Variants in BRINP3 observed in about 807,000 individuals in gnomAD.
BRINP3 encodes the protein BMP/retinoic acid inducible neural specific 3, also known as BMP/retinoic acid-inducible neural-specific protein 3.
Under a neutral mutation model 71.0 loss-of-function variants are expected in BRINP3, and 19 were observed. That is an observed-to-expected ratio of 0.27 (90% CI 0.19 to 0.39). BRINP3 has a LOEUF of 0.39. BRINP3 is among the 10% of genes least tolerant of loss of function. The pLI is 1.00. For synonymous variants in BRINP3, 380 were observed against 337.7 expected, an observed-to-expected ratio of 1.13 and a Z score of -1.37; for missense variants, 959 against 940.8, an observed-to-expected ratio of 1.02 and a Z score of -0.25.
intron 4 of BRINP3, among the ~76,000 whole-genome samples, chr1:190,261,657 T>G (rs2102862144): frequency 6.6e-6 from 1 of 152,274 alleles, no homozygotes; most frequent in South Asian, 2.1e-4. Flanking sequence ...CAATTATCTG[T>G]CTCCTAAATT....
chr1:190,155,205 C>T (rs996480655), intron 7 of BRINP3, among the ~76,000 whole-genome samples: 1 of 152,022 alleles, frequency 6.6e-6, no homozygotes, highest in African/African-American at 2.4e-5. Context: ...GACTTCAACT[C>T]ATTTTTCTCT....
intron 2 of BRINP3, among the ~76,000 whole-genome samples, chr1:190,294,603 CA>C (rs1664113247): frequency 6.6e-6 from 1 of 152,098 alleles, no homozygotes; most frequent in Non-Finnish European, 1.5e-5. Flanking sequence ...CTCACCTCTC[CA>C]GGTCTGGTGA....
At chr1:190,133,317 ATTAAT>A (rs1360240358) in intron 7 of BRINP3, among the ~76,000 whole-genome samples, 1 of 152,152 alleles carries the variant, frequency 6.6e-6, no homozygotes, top group African/African-American at 2.4e-5. Flanking sequence ...GTTTTAAATG[ATTAAT>A]TTAACAAATA....
At chr1:190,315,114 T>C (rs1440032109) in intron 2 of BRINP3, among the ~76,000 whole-genome samples, 1 of 152,060 alleles carries the variant, frequency 6.6e-6, no homozygotes, top group Non-Finnish European at 1.5e-5. Flanking sequence ...GAGTTGCCTA[T>C]GAAGAAAGTT....
intron 5 of BRINP3, among the ~76,000 whole-genome samples, chr1:190,230,953 T>C (rs1657918349): frequency 6.6e-6 from 1 of 151,496 alleles, no homozygotes; most frequent in Non-Finnish European, 1.5e-5. Context: ...TATGTATACA[T>C]ATATTTACTG....
At chr1:190,343,040 C>T (rs775383863) in intron 2 of BRINP3, among the ~76,000 whole-genome samples, 1 of 151,556 alleles carries the variant, frequency 6.6e-6, no homozygotes, top group Non-Finnish European at 1.5e-5. Flanking sequence ...TGCGGCATAG[C>T]CATTAAATGT....
intron 2 of BRINP3, among the ~76,000 whole-genome samples, chr1:190,309,231 T>C (rs1412576418): frequency 6.6e-6 from 1 of 151,822 alleles, no homozygotes; most frequent in Non-Finnish European, 1.5e-5. Context: ...TCCACCTATA[T>C]GAGTTGTTTA....
chr1:190,384,275 T>TA (rs1461739420), intron 2 of BRINP3, among the ~76,000 whole-genome samples: 2 of 151,820 alleles, frequency 1.3e-5, no homozygotes, highest in African/African-American at 4.8e-5. Flanking sequence ...TTATTTTATG[T>TA]TTTATACAAA....
At chr1:190,399,992 C>T (rs923987949) in intron 2 of BRINP3, among the ~76,000 whole-genome samples, 7 of 152,014 alleles carry the variant, frequency 4.6e-5, no homozygotes, top group African/African-American at 1.7e-4. Context: ...TATTTTCATA[C>T]TTTTTCAAAA....
intron 2 of BRINP3, among the ~76,000 whole-genome samples, chr1:190,338,755 C>T (rs1667455927): frequency 6.6e-6 from 1 of 151,612 alleles, no homozygotes; most frequent in African/African-American, 2.4e-5. Flanking sequence ...GAAATAATGA[C>T]AGTTGATCAC....
At chr1:190,216,602 A>T (rs1656441293) in intron 6 of BRINP3, among the ~76,000 whole-genome samples, 1 of 151,886 alleles carries the variant, frequency 6.6e-6, no homozygotes, top group African/African-American at 2.4e-5. Flanking sequence ...GGACTTGCCC[A>T]TTACAGAACA....
chr1:190,264,472 G>C (rs1220715818), intron 4 of BRINP3, among the ~76,000 whole-genome samples: 2 of 152,088 alleles, frequency 1.3e-5, no homozygotes, highest in Non-Finnish European at 2.9e-5. Context: ...CTTTAAGCCT[G>C]ATAAAGCCTC....
At chr1:190,373,298 G>A (rs916622730) in intron 2 of BRINP3, among the ~76,000 whole-genome samples, 5 of 151,944 alleles carry the variant, frequency 3.3e-5, no homozygotes, top group African/African-American at 1.2e-4. Flanking sequence ...GCTTAGGCAG[G>A]AGAATCTCTT....
chr1:190,281,878 G>A, intron 2 of BRINP3, 128 bp from the exon 3 acceptor site: 3 of 734,088 alleles, frequency 4.1e-6, no homozygotes, highest in Non-Finnish European at 2.1e-6. Context: ...TGTGTGCTAT[G>A]AGTAGGAGAA....
chr1:190,221,581 A>C (rs1349559432), intron 6 of BRINP3, among the ~76,000 whole-genome samples: 3 of 152,138 alleles, frequency 2.0e-5, no homozygotes, highest in African/African-American at 7.2e-5. Flanking sequence ...AATAACACTG[A>C]ATGTAAATGA....
At chr1:190,248,937 G>A (rs527733500) in intron 4 of BRINP3, among the ~76,000 whole-genome samples, 54 of 151,818 alleles carry the variant, frequency 3.6e-4, no homozygotes, top group African/African-American at 1.3e-3. Context: ...TGAGACTATA[G>A]TTCTCAAATT....
chr1:190,139,485 A>G (rs1378348024), intron 7 of BRINP3, among the ~76,000 whole-genome samples: 1 of 151,344 alleles, frequency 6.6e-6, no homozygotes, highest in Non-Finnish European at 1.5e-5. Flanking sequence ...GAAAGAAAAG[A>G]AAAAAAATGA....
rs527713212 is a variant in BRINP3, at chr1:190,342,333, G to C, written c.237-60583C>G. On this transcript the variant is annotated intron_variant, in intron 2 of 7. Coordinates refer to ENST00000367462, the MANE Select transcript of BRINP3 (RefSeq NM_199051.3). ...GCATTAAAATGTTGACATTTGGGGG[G>C]CCACTATTCTGCTTACATATTCATG... 4 of 142,980 alleles carry C rather than the reference G, an allele frequency of 2.8e-5. No homozygotes were observed. The South Asian group carries it at 8.8e-4, about 31-fold the overall frequency. The allele number at this position is 142,980 out of a possible 1,614,324, so 8.9% of individuals were successfully genotyped here.
chr1:190,261,503 C>A (rs368487126), intron 4 of BRINP3, among the ~76,000 whole-genome samples: 3 of 152,138 alleles, frequency 2.0e-5, no homozygotes, highest in African/African-American at 4.8e-5. Flanking sequence ...TGCTTTATTC[C>A]ACTTTCTAGA....
Sources: allele counts gnomAD v4.1 joint callset (sites outside exome capture counted in the v4.1 genomes callset), GRCh38; gene constraint gnomAD v4.1.1; transcripts MANE v1.5; gene names NCBI Gene and HGNC (gene_info 2026-07-23, HGNC 2026-07-21).